CDON: variants seen among roughly 807,000 people sequenced by gnomAD.
CDON encodes cell adhesion associated, oncogene regulated, also known as cell adhesion molecule-related/down-regulated by oncogenes.
Under a neutral mutation model 120.9 loss-of-function variants are expected in CDON, and 73 were observed. The ratio of observed to expected loss-of-function variants is 0.60; its 90% CI spans 0.50 to 0.73. CDON has a LOEUF of 0.73. CDON is among the 30% of genes least tolerant of loss of function. The probability of loss-of-function intolerance (pLI) is 0.00; values close to 1 mark genes in which losing one functional copy is unlikely to be tolerated. For missense variants in CDON, 1,470 were observed against 1,587.3 expected, an observed-to-expected ratio of 0.93 and a Z score of 1.26; for synonymous variants, 566 against 573.5, an observed-to-expected ratio of 0.99 and a Z score of 0.19.
chr11:126,023,836 C>T (rs987068145), intron 1 of CDON, among the ~76,000 whole-genome samples: 2 of 152,234 alleles, frequency 1.3e-5, no homozygotes, highest in African/African-American at 2.4e-5. Flanking sequence ...CACAAACATA[C>T]AAAACTCAAT....
intron 4 of CDON, 86 bp downstream of exon 4, chr11:126,019,533 C>T (rs566065653): frequency 2.6e-5 from 36 of 1,411,034 alleles, no homozygotes; most frequent in African/African-American, 1.4e-4. Flanking sequence ...ATCCACAGTT[C>T]GTCCCTAGCA....
At chr11:126,039,898 C>T (rs1322218343) in intron 1 of CDON, among the ~76,000 whole-genome samples, 1 of 152,120 alleles carries the variant, frequency 6.6e-6, no homozygotes, top group Non-Finnish European at 1.5e-5. Context: ...ACATTCCACT[C>T]GAAACCCCCC....
chr11:126,047,392 G>A (rs1158553662), intron 1 of CDON, among the ~76,000 whole-genome samples: 5 of 152,102 alleles, frequency 3.3e-5, no homozygotes, highest in African/African-American at 9.7e-5. Context: ...ATGTCCTCAC[G>A]AACCCAAGCA....
At chr11:126,028,168 T>A (rs1415965702) in intron 1 of CDON, among the ~76,000 whole-genome samples, 1 of 152,144 alleles carries the variant, frequency 6.6e-6, no homozygotes, top group Non-Finnish European at 1.5e-5. Flanking sequence ...CAATACAGAA[T>A]GTGCAGAAAA....
chr11:126,001,953 A>G, intron 10 of CDON, 103 bp from the exon 11 acceptor site: 1 of 869,216 alleles, frequency 1.2e-6, no homozygotes, highest in Non-Finnish European at 1.9e-6. Flanking sequence ...TTATAAATTT[A>G]TGAACTTATC....
intron 8 of CDON, among the ~76,000 whole-genome samples, chr11:126,006,542 C>G (rs1947136892): frequency 6.6e-6 from 1 of 152,096 alleles, no homozygotes; most frequent in Admixed American, 6.5e-5. Context: ...GTGGCGCATA[C>G]CTGTAGTCCC....
chr11:126,003,891 C>A lies in CDON; in HGVS notation c.2026+11G>T. Reference sequence around the variant, plus strand: ...AGCCAGCTCATTCCTCCAAAGGAAGCCCTCACTCACCTTTGCTGGTTCGGA... The same window carrying A: ...AGCCAGCTCATTCCTCCAAAGGAAGACCTCACTCACCTTTGCTGGTTCGGA... On this transcript the variant is annotated intron_variant, in intron 10 of 19. Coordinates refer to ENST00000531738, the MANE Select transcript of CDON (RefSeq NM_001378964.1). 6.2e-7 allele frequency: 1 copy of A among 1,612,506 alleles called. No individual in the cohort carries two copies. Among genetic ancestry groups the A allele is most frequent in the Non-Finnish European group, 8.5e-7 (1 of 1,178,584 alleles).
rs755731547 is a variant in CDON at position 125,984,466 on chromosome 11, GTGAGCAGACTGTC to G, written c.2774-386_2774-374del. Among the ~76,000 whole-genome samples, 88 of 152,346 alleles carry G rather than the reference GTGAGCAGACTGTC, an allele frequency of 5.8e-4. 1 individual carries two copies. The highest frequency in any genetic ancestry group is 9.7e-4 in the Non-Finnish European group (66 of 68,026). On this transcript the variant is annotated intron_variant, in intron 15 of 19. Transcript: ENST00000531738. The stretch of plus-strand genomic sequence containing the variant: ...AATCCCAGCACTTTGGGAGGCCGAG[GTGAGCAGACTGTC>G]TGAGCTCAGGAGTTTGCGAACGGCC...
At chr11:125,974,087 G>C (rs928856700) in intron 18 of CDON, among the ~76,000 whole-genome samples, 1 of 151,728 alleles carries the variant, frequency 6.6e-6, no homozygotes, top group Non-Finnish European at 1.5e-5. Flanking sequence ...GTAGAGATGG[G>C]GTTTCACCAC....
At chr11:125,976,257 T>C (rs1397082585) in intron 18 of CDON, among the ~76,000 whole-genome samples, 1 of 152,196 alleles carries the variant, frequency 6.6e-6, no homozygotes, top group Non-Finnish European at 1.5e-5. Context: ...TAGGTACTTA[T>C]TGATACTTAT....
intron 18 of CDON, among the ~76,000 whole-genome samples, chr11:125,969,373 C>G (rs1945895560): frequency 1.3e-5 from 2 of 152,192 alleles, no homozygotes; most frequent in Admixed American, 1.3e-4. Context: ...AAAATCATAT[C>G]TGTACATATG....
intron 1 of CDON, among the ~76,000 whole-genome samples, chr11:126,043,837 G>A (rs572790439): frequency 3.3e-5 from 5 of 152,242 alleles, no homozygotes; most frequent in South Asian, 4.2e-4. Flanking sequence ...TCTAATCTGC[G>A]GATGGATTTC....
chr11:126,053,795 C>A (rs569762374), intron 1 of CDON, among the ~76,000 whole-genome samples: 61 of 149,412 alleles, frequency 4.1e-4, no homozygotes, highest in African/African-American at 1.5e-3. Context: ...GTGAGAATGA[C>A]GGAAACAGAG....
At chr11:125,994,814 AATTG>A (rs1223175824) in intron 13 of CDON, 53 bp downstream of exon 13, 14 of 1,456,526 alleles carry the variant, frequency 9.6e-6, no homozygotes, top group East Asian at 4.6e-5. Flanking sequence ...GAGAATATTA[AATTG>A]ATTGTTAACA....
At chr11:126,054,020 T>C (rs1007921178) in intron 1 of CDON, among the ~76,000 whole-genome samples, 1 of 152,242 alleles carries the variant, frequency 6.6e-6, no homozygotes, top group East Asian at 1.9e-4. Flanking sequence ...CAAGTTCTGA[T>C]GTCACTACAA....
chr11:126,033,971 A>T (rs1948023035), intron 1 of CDON, among the ~76,000 whole-genome samples: 2 of 152,162 alleles, frequency 1.3e-5, no homozygotes, highest in Non-Finnish European at 2.9e-5. Context: ...AAATCTCATC[A>T]AAGTAAAGTT....
In CDON at chr11:125,971,414, T is replaced by TAAAAAAA. The variant is rs377328170; in HGVS notation, c.3356+6889_3356+6890insTTTTTTT. Among the ~76,000 whole-genome samples, 22 of 123,742 alleles carry TAAAAAAA rather than the reference T, an allele frequency of 1.8e-4. No individual in the cohort carries two copies. The East Asian group carries it at 2.7e-3, about 15-fold the overall frequency. 81.2% of individuals were successfully genotyped at this position (123,742 alleles called of 152,430 possible). A position where few individuals can be genotyped will look rare whatever the true frequency, so the allele number is the denominator to read the frequency against. On this transcript the variant is annotated intron_variant, in intron 18 of 19. Coordinates refer to ENST00000531738, the MANE Select transcript of CDON (RefSeq NM_001378964.1). Reference sequence around the variant, plus strand: ...AATAAATAAATAAATAAATAAATAATAATAATTAATGTTCTCATATTCATC... The same window carrying TAAAAAAA: ...AATAAATAAATAAATAAATAAATAATAAAAAAAAATAATTAATGTTCTCATATTCATC...
chr11:126,017,084 T>A lies in CDON; in HGVS notation c.928+4A>T, dbSNP rs771088142. Reference sequence around the variant, plus strand: ...TTGAAAAAAATTAAAAACTAACATCTTACCAAGTACATTAACCATGTAAGT... The same window carrying A: ...TTGAAAAAAATTAAAAACTAACATCATACCAAGTACATTAACCATGTAAGT... On this transcript the variant is annotated splice_donor_region_variant and intron_variant, in intron 6 of 19. Transcript: ENST00000531738. 4 of 1,613,092 alleles carry A rather than the reference T, an allele frequency of 2.5e-6. No individual in the cohort carries two copies. In the Admixed American group the frequency reaches 6.7e-5, roughly 27 times the overall value.
intron 1 of CDON, among the ~76,000 whole-genome samples, chr11:126,033,133 G>T (rs1030517830): frequency 6.6e-6 from 1 of 152,178 alleles, no homozygotes; most frequent in South Asian, 2.1e-4. Context: ...TGTAAATAAG[G>T]AATCGAGGCT....
Sources: allele counts gnomAD v4.1 joint callset (sites outside exome capture counted in the v4.1 genomes callset), GRCh38; gene constraint gnomAD v4.1.1; transcripts MANE v1.5; gene names NCBI Gene and HGNC (gene_info 2026-07-23, HGNC 2026-07-21).